MS4A14: variants seen among roughly 807,000 people sequenced by gnomAD.
MS4A14 encodes the protein membrane spanning 4-domains A14, also known as membrane-spanning 4-domains subfamily A member 14.
A neutral mutation model predicts 16.7 loss-of-function variants in MS4A14; 18 were observed. That is an observed-to-expected ratio of 1.08 (90% CI 0.75 to 1.60). MS4A14 has a LOEUF of 1.60. Among genes scored for constraint, MS4A14 ranks in the 40% most tolerant of loss-of-function variants. MS4A14 has a pLI of 0.00. For missense variants in MS4A14, 812 were observed against 775.3 expected (o/e 1.05, Z -0.56); for synonymous variants, 305 against 289.4 (o/e 1.05, Z -0.55).
Position 60,417,315 on chromosome 11 carries a change from A to T in MS4A14, c.*307A>T, listed in dbSNP as rs756112212. ...CTGCAATCAGAAGACGTGAAGGCAGATTTTCATTCTTCTTCTGGCCAAAGC... is the reference window on the plus strand; with the variant it reads ...CTGCAATCAGAAGACGTGAAGGCAGTTTTTCATTCTTCTTCTGGCCAAAGC... On this transcript the variant is annotated 3_prime_UTR_variant, in exon 5 of 5. Transcript: ENST00000300187. 1.1e-4 allele frequency: 25 copies of T among 224,320 alleles called. No individual in the cohort carries two copies. Among genetic ancestry groups the T allele is most frequent in the Non-Finnish European group, 1.8e-4 (21 of 113,854 alleles). 13.9% of individuals were successfully genotyped at this position (224,320 alleles called of 1,614,324 possible).
chr11:60,414,405 A>G (rs761552753), intron 4 of MS4A14, among the ~76,000 whole-genome samples: 1 of 152,136 alleles, frequency 6.6e-6, no homozygotes, highest in Non-Finnish European at 1.5e-5. Flanking sequence ...CTATTAGCAA[A>G]CGAGGTAAGC....
At chr11:60,400,011 C>T (rs1416513759) in intron 2 of MS4A14, among the ~76,000 whole-genome samples, 1 of 152,098 alleles carries the variant, frequency 6.6e-6, no homozygotes, top group African/African-American at 2.4e-5. Flanking sequence ...ATATCAGTCC[C>T]CATATCAGCC....
At position 60,407,464 on chromosome 11, in the gene MS4A14, G is replaced by A. The variant is rs116586733; in HGVS notation, c.468+4403G>A. Reference sequence around the variant, plus strand: ...GCATCTAGGATTTGATTGCGAGATCGTATGGTAACCAGATGTTTAACTTTA... The same window carrying A: ...GCATCTAGGATTTGATTGCGAGATCATATGGTAACCAGATGTTTAACTTTA... On this transcript the variant is annotated intron_variant, in intron 4 of 4. Transcript: ENST00000300187. Among the ~76,000 whole-genome samples, 1,182 of 152,252 alleles carry A rather than the reference G, an allele frequency of 7.8e-3. 14 individuals are homozygous for A. Among genetic ancestry groups the A allele is most frequent in the African/African-American group, 0.025 (1,024 of 41,538 alleles).
At chr11:60,398,179 A>C (rs912483972) in intron 2 of MS4A14, 199 bp downstream of exon 2, 7 of 474,086 alleles carry the variant, frequency 1.5e-5, no homozygotes, top group Non-Finnish European at 2.2e-5. Context: ...CAGGTGCTTA[A>C]AATTTGTTTC....
chr11:60,410,683 T>C (rs930386072), intron 4 of MS4A14, among the ~76,000 whole-genome samples: 3 of 152,186 alleles, frequency 2.0e-5, no homozygotes, highest in Admixed American at 2.0e-4. Context: ...CAGCATCATA[T>C]GTTGAAAAAA....
At chr11:60,414,259 C>A (rs2085906163) in intron 4 of MS4A14, among the ~76,000 whole-genome samples, 1 of 152,040 alleles carries the variant, frequency 6.6e-6, no homozygotes, top group African/African-American at 2.4e-5. Flanking sequence ...ATATAGAAAT[C>A]TCTTCCAAAG....
intron 4 of MS4A14, chr11:60,404,648 G>A (rs984274223): frequency 1.1e-5 from 5 of 452,804 alleles, no homozygotes; most frequent in African/African-American, 6.0e-5. Flanking sequence ...AGCTTCTTCC[G>A]GCTTTGAACC....
At chr11:60,413,623 A>G (rs533102083) in intron 4 of MS4A14, among the ~76,000 whole-genome samples, 1 of 152,236 alleles carries the variant, frequency 6.6e-6, no homozygotes, top group Admixed American at 6.5e-5. Flanking sequence ...CAATACTAAA[A>G]TAAGTTACAC....
intron 4 of MS4A14, among the ~76,000 whole-genome samples, chr11:60,409,803 C>CTTCT (rs144889475): frequency 6.9e-6 from 1 of 145,814 alleles, no homozygotes; most frequent in African/African-American, 2.5e-5. Context: ...TCCTTCTTTC[C>CTTCT]TTCTTTCTTT....
chr11:60,415,591 T>C lies in MS4A14; in HGVS notation c.623T>C (p.Phe208Ser). The change falls in exon 5 of 5, where the codon TTC becomes TCC. Residue 208 changes from phenylalanine (F) to serine (S), a missense_variant. Coordinates refer to ENST00000300187, the MANE Select transcript of MS4A14 (RefSeq NM_032597.5). The stretch of plus-strand genomic sequence containing the variant: ...GTTATCTTTGGAGGCTATGCTTTCT[T>C]CAAGTTAACACTCTCTAGGAGTCCT... ...QSVIFGGYAFFKLTLSRSPLV... is the reference protein window; with the variant it reads ...QSVIFGGYAFSKLTLSRSPLV... The C allele has an allele frequency of 6.2e-7, 1 of 1,613,854 alleles. No homozygotes were observed. Among genetic ancestry groups the C allele is most frequent in the East Asian group, 2.2e-5 (1 of 44,874 alleles).
intron 3 of MS4A14, among the ~76,000 whole-genome samples, chr11:60,402,671 A>T (rs2085731721): frequency 6.6e-6 from 1 of 152,196 alleles, no homozygotes; most frequent in Admixed American, 6.5e-5. Context: ...AAATGGGATA[A>T]AATGAACATT....
At position 60,417,530 on chromosome 11, in the gene MS4A14, GC is replaced by G. The variant is rs2085965188; in HGVS notation, c.*527del. 1 of 152,178 alleles carries G rather than the reference GC, an allele frequency of 6.6e-6. No homozygotes were observed. The highest frequency in any genetic ancestry group is 2.1e-4 in the South Asian group (1 of 4,828). 9.4% of individuals were successfully genotyped at this position (152,178 alleles called of 1,614,324 possible). Reference sequence around the variant, plus strand: ...TGCAGAATCTACCCAATACCACACTGCCCCCATTAATGGAATTAAATTGGGA... The same window carrying G: ...TGCAGAATCTACCCAATACCACACTGCCCCATTAATGGAATTAAATTGGGA... On this transcript the variant is annotated 3_prime_UTR_variant, in exon 5 of 5. Transcript: ENST00000300187.
At chr11:60,415,095 G>A (rs905574183) in intron 4 of MS4A14, among the ~76,000 whole-genome samples, 2 of 151,998 alleles carry the variant, frequency 1.3e-5, no homozygotes, top group African/African-American at 2.4e-5. Flanking sequence ...GTTCATCTGG[G>A]TGATCAATAA....
intron 4 of MS4A14, among the ~76,000 whole-genome samples, chr11:60,408,062 G>A (rs2085813627): frequency 6.6e-6 from 1 of 152,026 alleles, no homozygotes; most frequent in South Asian, 2.1e-4. Flanking sequence ...TTCATGTACA[G>A]TTGTAGGGTA....
At chr11:60,412,506 T>C (rs983434825) in intron 4 of MS4A14, among the ~76,000 whole-genome samples, 3 of 151,946 alleles carry the variant, frequency 2.0e-5, no homozygotes, top group Admixed American at 6.6e-5. Context: ...GTATCTGATT[T>C]CTTGGCATAT....
chr11:60,407,236 C>G (rs4939354), intron 4 of MS4A14, among the ~76,000 whole-genome samples: 102,332 of 151,788 alleles, frequency 0.67, 34,670 homozygotes, highest in Middle Eastern at 0.76. Context: ...GCCCAGGCTG[C>G]TCTCAAACTC....
chr11:60,411,720 C>G (rs868682705), intron 4 of MS4A14, among the ~76,000 whole-genome samples: 5 of 152,058 alleles, frequency 3.3e-5, no homozygotes, highest in Middle Eastern at 6.8e-3. Context: ...ATACAGATGG[C>G]CTTAATCTCC....
intron 4 of MS4A14, among the ~76,000 whole-genome samples, chr11:60,406,341 T>A (rs2085785857): frequency 6.6e-6 from 1 of 152,172 alleles, no homozygotes; most frequent in African/African-American, 2.4e-5. Flanking sequence ...GTGACACAGT[T>A]CCACCACCAC....
intron 2 of MS4A14, 31 bp from the exon 3 acceptor site, chr11:60,400,373 T>A (rs1169629766): frequency 1.3e-6 from 2 of 1,506,156 alleles, no homozygotes; most frequent in Non-Finnish European, 1.8e-6. Flanking sequence ...ACACATCACC[T>A]GTTAACTTTT....
Sources: gnomAD v4.1 joint callset for allele counts (sites outside exome capture counted in the v4.1 genomes callset) on GRCh38, gnomAD v4.1.1 for gene constraint, MANE v1.5 for transcripts, NCBI Gene and HGNC (gene_info 2026-07-23, HGNC 2026-07-21) for gene names.